The following CTNND2 variants were observed in gnomAD, a reference collection of about 807,000 sequenced individuals.
CTNND2 encodes the protein catenin delta-2.
A neutral mutation model predicts 144.4 loss-of-function variants in CTNND2; 22 were observed. That is an observed-to-expected ratio of 0.15 (90% CI 0.11 to 0.22). CTNND2 has a LOEUF of 0.22. Among genes scored for constraint, CTNND2 ranks in the 10% least tolerant of loss-of-function variants. CTNND2 has a pLI of 1.00. For synonymous variants in CTNND2, 751 were observed against 695.6 expected, an observed-to-expected ratio of 1.08 and a Z score of -1.25; for missense variants, 1,353 against 1,618.8, an observed-to-expected ratio of 0.84 and a Z score of 2.82.
At chr5:11,377,491 A>C (rs1236118929) in intron 7 of CTNND2, among the ~76,000 whole-genome samples, 1 of 152,100 alleles carries the variant, frequency 6.6e-6, no homozygotes, top group East Asian at 1.9e-4. Flanking sequence ...GGTAGTTTTC[A>C]TTTTTTTAGG....
intron 5 of CTNND2, among the ~76,000 whole-genome samples, chr5:11,402,583 A>G (rs1330285519): frequency 6.6e-6 from 1 of 152,244 alleles, no homozygotes; most frequent in Non-Finnish European, 1.5e-5. Context: ...GTAGCTACTG[A>G]TGATAAAGTG....
intron 9 of CTNND2, among the ~76,000 whole-genome samples, chr5:11,264,160 A>T (rs945110787): frequency 6.6e-6 from 1 of 152,220 alleles, no homozygotes; most frequent in African/African-American, 2.4e-5. Flanking sequence ...TTAAAATACA[A>T]GGAGAATTGT....
intron 2 of CTNND2, among the ~76,000 whole-genome samples, chr5:11,678,185 A>G (rs1288413117): frequency 6.6e-6 from 1 of 152,216 alleles, no homozygotes; most frequent in Non-Finnish European, 1.5e-5. Flanking sequence ...CTAGATAGGT[A>G]TTTTAGAAAA....
At chr5:11,208,417 A>G (rs1353100787) in intron 10 of CTNND2, among the ~76,000 whole-genome samples, 2 of 152,318 alleles carry the variant, frequency 1.3e-5, no homozygotes, top group East Asian at 3.9e-4. Context: ...TTATGGAAAG[A>G]TGAACATATT....
chr5:11,208,019 C>T (rs528255262), intron 10 of CTNND2, among the ~76,000 whole-genome samples: 1 of 152,046 alleles, frequency 6.6e-6, no homozygotes, highest in Non-Finnish European at 1.5e-5. Flanking sequence ...AAAATGAAAG[C>T]TTCCTCATGG....
At chr5:11,373,323 C>T (rs191749869) in intron 7 of CTNND2, among the ~76,000 whole-genome samples, 3 of 152,290 alleles carry the variant, frequency 2.0e-5, no homozygotes, top group Admixed American at 2.0e-4. Context: ...GTGATCCTCA[C>T]ACTTCAGTCT....
chr5:11,844,748 A>C (rs550406688), intron 1 of CTNND2, among the ~76,000 whole-genome samples: 1 of 152,196 alleles, frequency 6.6e-6, no homozygotes, highest in East Asian at 1.9e-4. Flanking sequence ...TAACTAGCTC[A>C]TTTTTCTAAT....
chr5:11,289,535 C>T (rs967808876), intron 9 of CTNND2, among the ~76,000 whole-genome samples: 2 of 152,036 alleles, frequency 1.3e-5, no homozygotes, highest in African/African-American at 2.4e-5. Context: ...ATCATGAGTA[C>T]AGATGCACTC....
At chr5:11,808,477 C>T (rs1792132080) in intron 1 of CTNND2, among the ~76,000 whole-genome samples, 1 of 152,190 alleles carries the variant, frequency 6.6e-6, no homozygotes. Flanking sequence ...AGAATCAGAT[C>T]TTCTCAGTGC....
intron 9 of CTNND2, among the ~76,000 whole-genome samples, chr5:11,327,347 G>A (rs557456522): frequency 2.0e-5 from 3 of 152,314 alleles, no homozygotes; most frequent in East Asian, 1.9e-4. Context: ...GATTTGGCAC[G>A]GGCTGGAAAA....
chr5:11,301,633 C>CATTTTAAA (rs1226698622), intron 9 of CTNND2, among the ~76,000 whole-genome samples: 1 of 152,140 alleles, frequency 6.6e-6, no homozygotes, highest in Non-Finnish European at 1.5e-5. Context: ...GAAGAAATTA[C>CATTTTAAA]ATTTTAAAAT....
At chr5:11,766,840 C>T (rs1315551499) in intron 1 of CTNND2, among the ~76,000 whole-genome samples, 12 of 152,120 alleles carry the variant, frequency 7.9e-5, no homozygotes, top group Admixed American at 7.9e-4. Flanking sequence ...AATTTCAAAC[C>T]TACCTTGAAT....
At chr5:11,254,743 G>T (rs1744056573) in intron 9 of CTNND2, among the ~76,000 whole-genome samples, 1 of 152,184 alleles carries the variant, frequency 6.6e-6, no homozygotes, top group South Asian at 2.1e-4. Flanking sequence ...AGGAGAAACA[G>T]GTGTCACCCT....
In CTNND2 at chr5:11,750,544, A is replaced by G. The variant is rs1175398122; in HGVS notation, c.38-18272T>C. Among the ~76,000 whole-genome samples, 7 of 152,006 alleles carry G rather than the reference A, an allele frequency of 4.6e-5. 2 individuals are homozygous for G. The highest frequency in any genetic ancestry group is 4.6e-4 in the Admixed American group (7 of 15,216). On this transcript the variant is annotated intron_variant, in intron 1 of 21. Transcript: ENST00000304623. Reference sequence around the variant, plus strand: ...GGATACCTACAAAAGTTTCTGAGTTAAAAGAACATGATAGTCTAAATTTCT... The same window carrying G: ...GGATACCTACAAAAGTTTCTGAGTTGAAAGAACATGATAGTCTAAATTTCT...
chr5:11,612,371 A>G (rs1053249024), intron 2 of CTNND2, among the ~76,000 whole-genome samples: 9 of 152,174 alleles, frequency 5.9e-5, no homozygotes, highest in African/African-American at 1.9e-4. Context: ...ATTTTTAAAG[A>G]CTAGTACTAA....
chr5:11,592,889 G>C (rs534779906), intron 2 of CTNND2, among the ~76,000 whole-genome samples: 4 of 151,318 alleles, frequency 2.6e-5, no homozygotes, highest in Non-Finnish European at 5.9e-5. Context: ...CATAAAGATT[G>C]TGTGGTATCC....
At chr5:11,229,012 G>T (rs1016845435) in intron 10 of CTNND2, among the ~76,000 whole-genome samples, 1 of 152,194 alleles carries the variant, frequency 6.6e-6, no homozygotes, top group African/African-American at 2.4e-5. Context: ...CCTTGGGCCT[G>T]TGTAAGTTTA....
chr5:11,356,444 G>T (rs1395587509), intron 8 of CTNND2, among the ~76,000 whole-genome samples: 1 of 151,982 alleles, frequency 6.6e-6, no homozygotes, highest in Non-Finnish European at 1.5e-5. Flanking sequence ...AACTTACACT[G>T]GGGAAAAGAT....
chr5:11,457,326 C>T (rs1765818202), intron 3 of CTNND2, among the ~76,000 whole-genome samples: 1 of 151,842 alleles, frequency 6.6e-6, no homozygotes, highest in Non-Finnish European at 1.5e-5. Flanking sequence ...TTGCTTGAGC[C>T]CAGGTAATCT....
Sources: gnomAD v4.1 joint callset for allele counts (sites outside exome capture counted in the v4.1 genomes callset) on GRCh38, gnomAD v4.1.1 for gene constraint, MANE v1.5 for transcripts, NCBI Gene and HGNC (gene_info 2026-07-23, HGNC 2026-07-21) for gene names.